The following GALNT8 variants were observed in gnomAD, a reference collection of about 807,000 sequenced individuals.
GALNT8 encodes polypeptide N-acetylgalactosaminyltransferase 8, also known as probable polypeptide N-acetylgalactosaminyltransferase 8.
In GALNT8, 66 loss-of-function variants were observed where a neutral mutation model predicts 62.7. The observed-to-expected ratio is 1.05, with a 90% CI of 0.86 to 1.29. The LOEUF (loss-of-function observed/expected upper bound fraction) is 1.29. Among genes scored for constraint, GALNT8 ranks in the 50% most tolerant of loss-of-function variants. GALNT8 has a pLI of 0.00. For missense variants in GALNT8, 771 were observed against 791.8 expected, an observed-to-expected ratio of 0.97 and a Z score of 0.32; for synonymous variants, 288 against 294.3, an observed-to-expected ratio of 0.98 and a Z score of 0.22.
At chr12:4,760,219 T>G (rs750961939) in intron 6 of GALNT8, among the ~76,000 whole-genome samples, 1 of 152,214 alleles carries the variant, frequency 6.6e-6, no homozygotes, top group Non-Finnish European at 1.5e-5. Context: ...GCTCACATTA[T>G]TGTTGGCAGC....
chr12:4,722,986 A>G (rs1030255681), intron 1 of GALNT8, among the ~76,000 whole-genome samples: 1 of 152,016 alleles, frequency 6.6e-6, no homozygotes, highest in Admixed American at 6.5e-5. Flanking sequence ...AGAAGAAAAG[A>G]AGGGAAAGTG....
At position 4,772,715 on chromosome 12, in the gene GALNT8, G is replaced by T. The variant is rs1289043853; in HGVS notation, c.*118G>T. 2.6e-6 allele frequency: 2 copies of T among 781,756 alleles called. No individual in the cohort carries two copies. The highest frequency in any genetic ancestry group is 4.1e-6 in the Non-Finnish European group (2 of 485,534). The allele number at this position is 781,756 out of a possible 1,614,324, so 48.4% of individuals were successfully genotyped here. A position where few individuals can be genotyped will look rare whatever the true frequency, so the allele number is the denominator to read the frequency against. On this transcript the variant is annotated 3_prime_UTR_variant, in exon 11 of 11. Transcript: ENST00000252318. The stretch of plus-strand genomic sequence containing the variant: ...AAGCATGTGTATGTCTGTTTATGGC[G>T]ACTTCAGGTGGGGCCTGTGCGTGTG...
intron 2 of GALNT8, among the ~76,000 whole-genome samples, chr12:4,730,427 C>T (rs768846536): frequency 6.6e-5 from 10 of 152,196 alleles, no homozygotes; most frequent in African/African-American, 1.7e-4. Context: ...TCTTTTTAAA[C>T]GTGGGTATTC....
chr12:4,754,891 T>G (rs1439053095), intron 6 of GALNT8, among the ~76,000 whole-genome samples: 1 of 152,204 alleles, frequency 6.6e-6, no homozygotes, highest in Non-Finnish European at 1.5e-5. Flanking sequence ...AAATGTCATC[T>G]GGGAGCTAGG....
At chr12:4,729,789 T>C (rs567758598) in intron 2 of GALNT8, among the ~76,000 whole-genome samples, 1 of 152,326 alleles carries the variant, frequency 6.6e-6, no homozygotes, top group South Asian at 2.1e-4. Context: ...TTTTTAGTAT[T>C]TGAGGAATCT....
intron 6 of GALNT8, among the ~76,000 whole-genome samples, chr12:4,759,850 C>T (rs1016477590): frequency 3.3e-5 from 5 of 152,076 alleles, no homozygotes; most frequent in African/African-American, 4.8e-5. Flanking sequence ...GACATCACGT[C>T]GATCCAATAT....
intron 1 of GALNT8, 95 bp downstream of exon 1, chr12:4,720,983 G>T: frequency 1.3e-6 from 1 of 749,204 alleles, no homozygotes; most frequent in Non-Finnish European, 2.4e-6. Flanking sequence ...ATGGGTGAGA[G>T]GTCACATTTT....
At position 4,744,519 on chromosome 12, in the gene GALNT8, G is replaced by T; in HGVS notation, c.679G>T (p.Glu227Ter). ...ATAGGTGTGCACTTGATTGACAGGAGAACTAAAGGTACACTTGGATGAGAA... is the reference window on the plus strand; with the variant it reads ...ATAGGTGTGCACTTGATTGACAGGATAACTAAAGGTACACTTGGATGAGAA... ...ILVDDFSSNG[E>*]LKVHLDEKIK... Residue 227 changes from glutamate (E) to a stop codon, truncating the protein, a stop_gained and splice_region_variant, in exon 4 of 11, where the codon GAA (glutamate) becomes TAA (stop). Coordinates refer to ENST00000252318, the MANE Select transcript of GALNT8 (RefSeq NM_017417.2). LOFTEE classifies it high-confidence loss of function. The T allele has an allele frequency of 1.9e-6, 3 of 1,602,446 alleles. No individual in the cohort carries two copies. Among genetic ancestry groups the T allele is most frequent in the Non-Finnish European group, 2.6e-6 (3 of 1,173,496 alleles).
intron 3 of GALNT8, 125 bp downstream of exon 3, chr12:4,739,454 C>A (rs746602948): frequency 8.8e-6 from 6 of 678,428 alleles, no homozygotes; most frequent in Non-Finnish European, 1.5e-5. Context: ...ATAAAAAGAT[C>A]ATTTGTTAAG....
At chr12:4,761,165 C>A in intron 7 of GALNT8, 22 bp downstream of exon 7, 1 of 1,598,418 alleles carries the variant, frequency 6.3e-7, no homozygotes, top group Non-Finnish European at 8.6e-7. Flanking sequence ...AATTGAACAG[C>A]AGCACGGAAG....
At chr12:4,770,431 CAT>C (rs1946418617) in intron 10 of GALNT8, among the ~76,000 whole-genome samples, 1 of 151,858 alleles carries the variant, frequency 6.6e-6, no homozygotes. Context: ...AAGCTCATGT[CAT>C]GTGGAAGTTG....
At position 4,726,986 on chromosome 12, in the gene GALNT8, G is replaced by A. The variant is rs992133795; in HGVS notation, c.509+157G>A. The stretch of plus-strand genomic sequence containing the variant: ...GTTTTCAATTTATTTTATAATGACA[G>A]CTCAGAGAAGATAACCAACTGATCC... On this transcript the variant is annotated intron_variant, in intron 2 of 10. Coordinates refer to ENST00000252318, the MANE Select transcript of GALNT8 (RefSeq NM_017417.2). The surrounding 1 kb of genome is among the most constrained non-coding windows in gnomAD (Gnocchi z 4.1). Among the ~76,000 whole-genome samples, 1 of 152,130 alleles carries A rather than the reference G, an allele frequency of 6.6e-6. No individual in the cohort carries two copies. The highest frequency in any genetic ancestry group is 6.6e-5 in the Admixed American group (1 of 15,264).
rs1283278085 is a variant in GALNT8 at position 4,726,917 on chromosome 12, G to T, written c.509+88G>T. The T allele has an allele frequency of 2.6e-6, 3 of 1,144,294 alleles. No individual in the cohort carries two copies. The allele number at this position is 1,144,294 out of a possible 1,614,324, so 70.9% of individuals were successfully genotyped here. On this transcript the variant is annotated intron_variant, in intron 2 of 10. Transcript: ENST00000252318. The surrounding 1 kb of genome is among the most constrained non-coding windows in gnomAD (Gnocchi z 4.1). The stretch of plus-strand genomic sequence containing the variant: ...GCAGTGAACATTGAAGGCTGGGGGA[G>T]TGGGGGATTGTTGGGGAAGGGGTTC...
intron 3 of GALNT8, 48 bp from the exon 4 acceptor site, chr12:4,744,469 G>A (rs564404198): frequency 1.1e-5 from 15 of 1,355,178 alleles, no homozygotes; most frequent in South Asian, 5.3e-5. Flanking sequence ...TTTGTATCAC[G>A]TTGATTGTTG....
intron 1 of GALNT8, among the ~76,000 whole-genome samples, chr12:4,723,292 G>A (rs966967582): frequency 6.6e-6 from 1 of 152,202 alleles, no homozygotes; most frequent in Non-Finnish European, 1.5e-5. Context: ...ATGAAACAGA[G>A]GGAAGATCAT....
chr12:4,763,445 T>G (rs542964836), intron 8 of GALNT8, 55 bp downstream of exon 8: 2 of 1,455,916 alleles, frequency 1.4e-6, no homozygotes, highest in Non-Finnish European at 1.9e-6. Context: ...TGAAAGACAA[T>G]GCGGCCTGAA....
At position 4,765,483 on chromosome 12, in the gene GALNT8, C is replaced by T. The variant is rs748669032; in HGVS notation, c.1698C>T (p.Pro566=). ...CAGACCCTGGCAAGGCGGAGAAGCC[C>T]ACCTTAGAACCATGCTCCAAGGCAG... ...CLTDPGKAEK[P]TLEPCSKAAK... is the part of the protein sequence containing the mutation. The change falls in exon 10 of 11, where the codon CCC becomes CCT. Residue 566 remains proline (P), a synonymous_variant. Transcript: ENST00000252318. 5.0e-6 allele frequency: 8 copies of T among 1,612,576 alleles called. No individual in the cohort carries two copies. In the South Asian group the frequency reaches 7.7e-5, roughly 16 times the overall value.
At chr12:4,769,799 G>T (rs906833429) in intron 10 of GALNT8, among the ~76,000 whole-genome samples, 1 of 152,008 alleles carries the variant, frequency 6.6e-6, no homozygotes, top group African/African-American at 2.4e-5. Context: ...ATGACCTCAT[G>T]GATGATCTCA....
rs184227728 is a variant in GALNT8, at chr12:4,721,684, G to T, written c.211+796G>T. Among the ~76,000 whole-genome samples the T allele has an allele frequency of 3.3e-3, 503 of 151,988 alleles. 1 individual carries two copies. The highest frequency in any genetic ancestry group is 5.5e-3 in the Non-Finnish European group (377 of 67,954). On this transcript the variant is annotated intron_variant, in intron 1 of 10. Coordinates refer to ENST00000252318, the MANE Select transcript of GALNT8 (RefSeq NM_017417.2). ...GGGTTTTACACCGAGACATTCCATTGCCCAGGGACGGGCAGGAGACAGATG... is the reference window on the plus strand; with the variant it reads ...GGGTTTTACACCGAGACATTCCATTTCCCAGGGACGGGCAGGAGACAGATG...
Sources: allele counts gnomAD v4.1 joint callset (sites outside exome capture counted in the v4.1 genomes callset), GRCh38; gene constraint gnomAD v4.1.1; non-coding constraint Gnocchi (gnomAD v3.1); transcripts MANE v1.5; gene names NCBI Gene and HGNC (gene_info 2026-07-23, HGNC 2026-07-21).